Variants in GRAMD1B observed in about 807,000 individuals in gnomAD.
GRAMD1B encodes GRAM domain containing 1B, also known as protein Aster-B.
Under a neutral mutation model 99.7 loss-of-function variants are expected in GRAMD1B, and 37 were observed. The observed-to-expected ratio is 0.37, with a 90% CI of 0.29 to 0.49. GRAMD1B has a LOEUF of 0.49. GRAMD1B is among the 20% of genes least tolerant of loss of function. The pLI is 0.98. For synonymous variants in GRAMD1B, 427 were observed against 387.6 expected (o/e 1.10, Z -1.19); for missense variants, 888 against 1,009.2 (o/e 0.88, Z 1.63).
intron 11 of GRAMD1B, chr11:123,608,240 C>T: frequency 2.0e-6 from 1 of 501,302 alleles, no homozygotes; most frequent in East Asian, 3.6e-5. Flanking sequence ...CAGACCTATG[C>T]CATGGGTTAC....
chr11:123,461,062 A>T (rs1950390792), intron 1 of GRAMD1B, among the ~76,000 whole-genome samples: 1 of 152,212 alleles, frequency 6.6e-6, no homozygotes, highest in Admixed American at 6.5e-5. Context: ...AACAGGTGAT[A>T]GCAAAATTAA....
chr11:123,560,461 A>G, intron 2 of GRAMD1B: 1 of 1,199,540 alleles, frequency 8.3e-7, no homozygotes, highest in Non-Finnish European at 1.1e-6. Context: ...AAGCGCCCCC[A>G]GCTTCTGAGA....
chr11:123,554,556 A>T (rs899380342), intron 2 of GRAMD1B, among the ~76,000 whole-genome samples: 1 of 151,322 alleles, frequency 6.6e-6, no homozygotes, highest in Non-Finnish European at 1.5e-5. Context: ...GAAAGAAAGA[A>T]ACAAAATGCC....
At position 123,369,883 on chromosome 11, in the gene GRAMD1B, C is replaced by CA. The variant is rs970093485; in HGVS notation, c.-176+11091dup. Among the ~76,000 whole-genome samples the CA allele has an allele frequency of 1.4e-4, 21 of 147,162 alleles. 1 individual carries two copies. Among genetic ancestry groups the CA allele is most frequent in the African/African-American group, 5.3e-4 (21 of 39,702 alleles). ...CCTGGGCAACAGTGAGACCCTGTCT[C>CA]AAAAAAAGGAAAAAGAAAAAAAAAA... On this transcript the variant is annotated intron_variant, in intron 1 of 20. Transcript: ENST00000638157.
intron 2 of GRAMD1B, among the ~76,000 whole-genome samples, chr11:123,561,346 C>A (rs1330178050): frequency 6.6e-6 from 1 of 152,172 alleles, no homozygotes; most frequent in Non-Finnish European, 1.5e-5. Context: ...CACTGCTTAT[C>A]CCACAGGGAG....
At chr11:123,461,617 G>GT (rs1950416745) in intron 1 of GRAMD1B, among the ~76,000 whole-genome samples, 1 of 152,154 alleles carries the variant, frequency 6.6e-6, no homozygotes, top group African/African-American at 2.4e-5. Flanking sequence ...TTGTTGTTTT[G>GT]TTTTGAGACA....
intron 1 of GRAMD1B, among the ~76,000 whole-genome samples, chr11:123,469,264 A>C (rs1950865264): frequency 6.6e-6 from 1 of 152,184 alleles, no homozygotes; most frequent in African/African-American, 2.4e-5. Flanking sequence ...AAAGGATTTT[A>C]AGCCAGGAAG....
intron 1 of GRAMD1B, among the ~76,000 whole-genome samples, chr11:123,414,043 C>T (rs985853812): frequency 3.4e-5 from 5 of 147,670 alleles, no homozygotes; most frequent in African/African-American, 1.3e-4. Context: ...CCATCATCAT[C>T]ATCATTTTTT....
chr11:123,429,352 G>C (rs1948766483), upstream of GRAMD1B, among the ~76,000 whole-genome samples: 1 of 152,068 alleles, frequency 6.6e-6, no homozygotes, highest in East Asian at 1.9e-4. The surrounding 1 kb of genome is among the most constrained non-coding windows in gnomAD (Gnocchi z 4.0). Flanking sequence ...ATCGGTTCTA[G>C]GGTTGATGAT....
intron 2 of GRAMD1B, among the ~76,000 whole-genome samples, chr11:123,494,466 C>A (rs1360833473): frequency 1.3e-5 from 2 of 149,186 alleles, no homozygotes; most frequent in Non-Finnish European, 3.0e-5. Flanking sequence ...CTTTTGAGGG[C>A]AGGGCAAAGA....
chr11:123,479,211 G>A (rs1307608732), intron 1 of GRAMD1B, among the ~76,000 whole-genome samples: 3 of 152,254 alleles, frequency 2.0e-5, no homozygotes, highest in African/African-American at 7.2e-5. Flanking sequence ...TCTGGTGTGT[G>A]TGGTAACGTG....
chr11:123,548,319 T>G lies in GRAMD1B; in HGVS notation c.453-29048T>G, dbSNP rs60701617. ...ATATATATATATATATATATATATA[T>G]ATATATACACACACACACACACACA... On this transcript the variant is annotated intron_variant, in intron 2 of 19. Coordinates refer to ENST00000635736, the MANE Select transcript of GRAMD1B (RefSeq NM_001387025.1). 5.7e-5 allele frequency among the ~76,000 whole-genome samples: 6 copies of G among 105,214 alleles called. No individual in the cohort carries two copies. In the East Asian group the frequency reaches 1.4e-3, roughly 25 times the overall value. The allele number at this position is 105,214 out of a possible 152,430, so 69.0% of individuals were successfully genotyped here.
chr11:123,613,361 A>G, intron 15 of GRAMD1B, 94 bp from the exon 16 acceptor site: 1 of 963,462 alleles, frequency 1.0e-6, no homozygotes, highest in Non-Finnish European at 1.6e-6. Flanking sequence ...CACCCAACCA[A>G]CTTCCCAGAA....
At chr11:123,580,049 C>T (rs1338406995) in intron 3 of GRAMD1B, among the ~76,000 whole-genome samples, 5 of 152,150 alleles carry the variant, frequency 3.3e-5, no homozygotes, top group Non-Finnish European at 7.3e-5. Flanking sequence ...ACATTGGTTA[C>T]CCACTTCCCC....
chr11:123,566,494 C>T (rs933961004), intron 2 of GRAMD1B, among the ~76,000 whole-genome samples: 29 of 152,062 alleles, frequency 1.9e-4, no homozygotes, highest in Non-Finnish European at 2.6e-4. Flanking sequence ...TGGCCGAGCG[C>T]GGTGGCTCAC....
At chr11:123,531,773 T>C (rs889846908) in intron 2 of GRAMD1B, among the ~76,000 whole-genome samples, 1 of 150,866 alleles carries the variant, frequency 6.6e-6, no homozygotes, top group African/African-American at 2.4e-5. Context: ...TTTGCTCTTA[T>C]TGCCCAGACT....
chr11:123,514,564 C>CA (rs1422780901), intron 2 of GRAMD1B, among the ~76,000 whole-genome samples: 1 of 152,206 alleles, frequency 6.6e-6, no homozygotes, highest in East Asian at 1.9e-4. Flanking sequence ...CCAGGATGGA[C>CA]ATGGCAGGGC....
At position 123,510,551 on chromosome 11, in the gene GRAMD1B, G is replaced by A. The variant is rs1373920722; in HGVS notation, c.452+29658G>A. ...CCCAGGGGGCCAGAGAGTGGAAATA[G>A]GTGTCTTATTTTCCCCAGCCTTCCA... On this transcript the variant is annotated intron_variant, in intron 2 of 19. Coordinates refer to ENST00000635736, the MANE Select transcript of GRAMD1B (RefSeq NM_001387025.1). The surrounding 1 kb of genome is among the most constrained non-coding windows in gnomAD (Gnocchi z 4.3). 6.6e-6 allele frequency among the ~76,000 whole-genome samples: 1 copy of A among 152,140 alleles called. No homozygotes were observed. The highest frequency in any genetic ancestry group is 1.5e-5 in the Non-Finnish European group (1 of 68,018).
At chr11:123,383,447 A>G (rs1316880112) in intron 1 of GRAMD1B, among the ~76,000 whole-genome samples, 1 of 152,176 alleles carries the variant, frequency 6.6e-6, no homozygotes, top group Non-Finnish European at 1.5e-5. Flanking sequence ...TGGTAATGTT[A>G]AACTCCTTGC....
Sources: allele counts gnomAD v4.1 joint callset (sites outside exome capture counted in the v4.1 genomes callset), GRCh38; gene constraint gnomAD v4.1.1; non-coding constraint Gnocchi (gnomAD v3.1); transcripts MANE v1.5; gene names NCBI Gene and HGNC (gene_info 2026-07-23, HGNC 2026-07-21).